The following FOXN3 variants were observed in gnomAD, a reference collection of about 807,000 sequenced individuals.
The protein encoded by FOXN3 is forkhead box N3, also known as forkhead box protein N3.
A neutral mutation model predicts 38.4 loss-of-function variants in FOXN3; 7 were observed. The ratio of observed to expected loss-of-function variants is 0.18; its 90% confidence interval spans 0.10 to 0.34. The LOEUF is 0.34. Among genes scored for constraint, FOXN3 ranks in the 10% least tolerant of loss-of-function variants. FOXN3 has a pLI of 1.00. For missense variants in FOXN3, 456 were observed against 613.4 expected (o/e 0.74, Z 2.71); for synonymous variants, 230 against 242.2 (o/e 0.95, Z 0.47).
At chr14:89,252,214 T>A (rs1885479826) in intron 4 of FOXN3, among the ~76,000 whole-genome samples, 2 of 152,220 alleles carry the variant, frequency 1.3e-5, no homozygotes, top group South Asian at 2.1e-4. Flanking sequence ...ACCAGCCAGA[T>A]CCAGGCTATA....
chr14:89,273,704 C>G (rs1213960457), intron 4 of FOXN3, among the ~76,000 whole-genome samples: 3 of 152,220 alleles, frequency 2.0e-5, no homozygotes, highest in African/African-American at 7.2e-5. Context: ...GAGATCAGAG[C>G]TGCAGACCAG....
intron 2 of FOXN3, among the ~76,000 whole-genome samples, chr14:89,398,051 A>T (rs1566640208): frequency 6.6e-6 from 1 of 152,174 alleles, no homozygotes; most frequent in Non-Finnish European, 1.5e-5. Flanking sequence ...TGCTGTCTTC[A>T]GGATTCTTCC....
chr14:89,216,333 G>A (rs1274877552), intron 4 of FOXN3, among the ~76,000 whole-genome samples: 1 of 152,114 alleles, frequency 6.6e-6, no homozygotes, highest in Non-Finnish European at 1.5e-5. Flanking sequence ...TTTACCCAAG[G>A]CAGAATCAGC....
intron 1 of FOXN3, among the ~76,000 whole-genome samples, chr14:89,555,884 G>T (rs191709361): frequency 0.34 from 30,378 of 88,560 alleles, 5,589 homozygotes; most frequent in Non-Finnish European, 0.44. Context: ...TGTATGTGGG[G>T]GTGTATGTGG....
At chr14:89,471,068 A>G (rs1893085148) in intron 1 of FOXN3, among the ~76,000 whole-genome samples, 2 of 152,342 alleles carry the variant, frequency 1.3e-5, no homozygotes, top group South Asian at 4.1e-4. Flanking sequence ...TTTTCTGTCT[A>G]GGAGGAGCAT....
chr14:89,157,875 A>T lies in FOXN3; in HGVS notation c.*4539T>A, dbSNP rs1887015285. The T allele has an allele frequency of 1.3e-5, 2 of 152,680 alleles. No homozygotes were observed. The highest frequency in any genetic ancestry group is 4.8e-5 in the African/African-American group (2 of 41,466). The allele number at this position is 152,680 out of a possible 1,614,324, so 9.5% of individuals were successfully genotyped here. Reference sequence around the variant, plus strand: ...ACTTAACTGTCAACACTGGGAAGTCACAATCAAGAGGAAACACAGAGTTCC... The same window carrying T: ...ACTTAACTGTCAACACTGGGAAGTCTCAATCAAGAGGAAACACAGAGTTCC... On this transcript the variant is annotated 3_prime_UTR_variant, in exon 6 of 6. Transcript: ENST00000557258.
rs550982403 is a variant in FOXN3, at chr14:89,540,609, C to T, written c.-15+78419G>A. Among the ~76,000 whole-genome samples the T allele has an allele frequency of 5.3e-5, 8 of 152,034 alleles. No individual in the cohort carries two copies. The East Asian group carries it at 5.8e-4, about 11-fold the overall frequency. ...AAAAATTTAGCCGAGCGTGGTCGCA[C>T]GCACCTGTGGTCCCAGCTACTTGGG... On this transcript the variant is annotated intron_variant, in intron 1 of 6. Transcript: ENST00000345097.
chr14:89,568,133 C>T (rs534174778), intron 1 of FOXN3, among the ~76,000 whole-genome samples: 20 of 152,188 alleles, frequency 1.3e-4, no homozygotes, highest in African/African-American at 4.8e-4. Flanking sequence ...TAATTGTCAC[C>T]TCCTAAATGT....
chr14:89,537,924 C>G (rs1195960879), intron 1 of FOXN3, among the ~76,000 whole-genome samples: 3 of 152,208 alleles, frequency 2.0e-5, no homozygotes, highest in Non-Finnish European at 4.4e-5. Flanking sequence ...CAATGGAAAA[C>G]TGTCACAATA....
At chr14:89,299,072 C>T (rs1199353954) in intron 3 of FOXN3, among the ~76,000 whole-genome samples, 1 of 149,160 alleles carries the variant, frequency 6.7e-6, no homozygotes, top group East Asian at 1.9e-4. Flanking sequence ...AGGTGACATC[C>T]ACCTTCTGGG....
At chr14:89,514,874 C>T (rs1196689516) in intron 1 of FOXN3, among the ~76,000 whole-genome samples, 3 of 151,786 alleles carry the variant, frequency 2.0e-5, no homozygotes, top group African/African-American at 4.8e-5. Flanking sequence ...TGTGTCATTT[C>T]GACAGCATCG....
chr14:89,259,220 A>G (rs1486854602), intron 4 of FOXN3, among the ~76,000 whole-genome samples: 1 of 152,226 alleles, frequency 6.6e-6, no homozygotes, highest in Non-Finnish European at 1.5e-5. Flanking sequence ...GAAACCAGGC[A>G]TATTATTAAG....
At chr14:89,423,442 T>G (rs547269642) in intron 1 of FOXN3, among the ~76,000 whole-genome samples, 35 of 152,322 alleles carry the variant, frequency 2.3e-4, no homozygotes, top group Admixed American at 1.3e-3. Flanking sequence ...TCTTGACATA[T>G]TAGACTGCAT....
intron 1 of FOXN3, among the ~76,000 whole-genome samples, chr14:89,601,338 T>C (rs919555814): frequency 3.9e-5 from 6 of 152,246 alleles, no homozygotes; most frequent in Non-Finnish European, 8.8e-5. Context: ...ATTTGCCACA[T>C]GCATTGTGTT....
intron 2 of FOXN3, among the ~76,000 whole-genome samples, chr14:89,382,518 G>C (rs1054801669): frequency 6.6e-6 from 1 of 152,102 alleles, no homozygotes; most frequent in Non-Finnish European, 1.5e-5. Context: ...CTCTCCAAAT[G>C]CATCTATACT....
chr14:89,231,542 A>G (rs1323216087), intron 4 of FOXN3, among the ~76,000 whole-genome samples: 2 of 152,048 alleles, frequency 1.3e-5, no homozygotes, highest in African/African-American at 4.8e-5. Flanking sequence ...TAGGGATATG[A>G]TCTGATTTGC....
At chr14:89,343,822 G>C (rs1888689106) in intron 3 of FOXN3, among the ~76,000 whole-genome samples, 2 of 151,996 alleles carry the variant, frequency 1.3e-5, no homozygotes, top group South Asian at 4.1e-4. Context: ...GAGTGCAATG[G>C]TGCAATCTCG....
intron 1 of FOXN3, among the ~76,000 whole-genome samples, chr14:89,530,519 C>T (rs781656708): frequency 6.6e-6 from 1 of 152,164 alleles, no homozygotes; most frequent in Non-Finnish European, 1.5e-5. Flanking sequence ...ATGGGAAATA[C>T]AATTCAAGAT....
intron 4 of FOXN3, among the ~76,000 whole-genome samples, chr14:89,208,528 T>C (rs1888444014): frequency 6.6e-6 from 1 of 152,220 alleles, no homozygotes; most frequent in African/African-American, 2.4e-5. Flanking sequence ...TCCACTTTAG[T>C]ATTTTGTAAG....
Sources: allele counts gnomAD v4.1 joint callset (sites outside exome capture counted in the v4.1 genomes callset), GRCh38; gene constraint gnomAD v4.1.1; transcripts MANE v1.5; gene names NCBI Gene and HGNC (gene_info 2026-07-23, HGNC 2026-07-21).